The following ME2 variants were observed in gnomAD, a reference collection of about 807,000 sequenced individuals.
The protein encoded by ME2 is NAD-dependent malic enzyme, mitochondrial.
Under a neutral mutation model 73.7 loss-of-function variants are expected in ME2, and 60 were observed. The ratio of observed to expected loss-of-function variants is 0.81; its 90% CI spans 0.66 to 1.01. The LOEUF (loss-of-function observed/expected upper bound fraction) is 1.01. ME2 is among the 50% of genes least tolerant of loss of function. The pLI is 0.00. For missense variants in ME2, 594 were observed against 705.5 expected, an observed-to-expected ratio of 0.84 and a Z score of 1.79; for synonymous variants, 199 against 236.9, an observed-to-expected ratio of 0.84 and a Z score of 1.47.
chr18:50,912,690 T>A, intron 3 of ME2, 111 bp from the exon 4 acceptor site: 2 of 914,722 alleles, frequency 2.2e-6, no homozygotes, highest in Non-Finnish European at 3.0e-6. Flanking sequence ...GAATGTGATG[T>A]GAGAATGGGG....
intron 6 of ME2, among the ~76,000 whole-genome samples, chr18:50,917,827 T>G (rs1008773719): frequency 5.9e-5 from 9 of 151,888 alleles, no homozygotes; most frequent in Non-Finnish European, 1.3e-4. Context: ...CAAAAAAAAT[T>G]AGCTGGGCGT....
intron 12 of ME2, among the ~76,000 whole-genome samples, chr18:50,926,469 G>A (rs1436053275): frequency 6.6e-6 from 1 of 152,080 alleles, no homozygotes; most frequent in African/African-American, 2.4e-5. Context: ...TGACTATGGC[G>A]GACATATGCG....
At chr18:50,924,247 C>T in intron 11 of ME2, 35 bp downstream of exon 11, 1 of 1,382,508 alleles carries the variant, frequency 7.2e-7, no homozygotes, top group South Asian at 1.2e-5. Context: ...AATTTTACTC[C>T]CTAACTGTAT....
chr18:50,932,518 C>G (rs916406025), intron 13 of ME2, 158 bp downstream of exon 13: 1 of 453,444 alleles, frequency 2.2e-6, no homozygotes, highest in Non-Finnish European at 3.9e-6. Context: ...ATTCAGCATG[C>G]TCCACTTTCT....
intron 13 of ME2, chr18:50,934,536 T>C (rs911342675): frequency 6.6e-6 from 1 of 151,928 alleles, no homozygotes; most frequent in Admixed American, 6.6e-5. Context: ...TATTCCCAGC[T>C]AGTCAGGAGG....
At chr18:50,925,934 T>C (rs764399481) in intron 12 of ME2, 36 bp downstream of exon 12, 2 of 1,478,650 alleles carry the variant, frequency 1.4e-6, no homozygotes, top group Non-Finnish European at 1.9e-6. Context: ...TGTATATTAT[T>C]TTCCCTCCAC....
At chr18:50,887,070 T>C (rs1007002039) in intron 1 of ME2, among the ~76,000 whole-genome samples, 1 of 152,146 alleles carries the variant, frequency 6.6e-6, no homozygotes, top group African/African-American at 2.4e-5. Context: ...ATTCCTGTAG[T>C]GTTAAGTAAG....
chr18:50,912,038 T>A (rs2144223767), intron 3 of ME2, among the ~76,000 whole-genome samples: 1 of 152,238 alleles, frequency 6.6e-6, no homozygotes, highest in African/African-American at 2.4e-5. Context: ...CTGTAGGACT[T>A]GGTGATTTAT....
chr18:50,940,347 T>G lies in ME2; in HGVS notation c.1548T>G (p.Leu516=). 1 of 1,611,396 alleles carries G rather than the reference T, an allele frequency of 6.2e-7. No homozygotes were observed. The highest frequency in any genetic ancestry group is 1.7e-5 in the Admixed American group (1 of 59,222). ...ELAQGRLYPP[L]ANIQEVSINI... ...CCCAAGGGAGACTTTACCCACCGCT[T>G]GCTAATATTCAGGAAGTTTCTATTA... The change falls in exon 15 of 16, where the codon CTT becomes CTG. Residue 516 remains leucine, a synonymous_variant. Coordinates refer to ENST00000321341, the MANE Select transcript of ME2 (RefSeq NM_002396.5).
chr18:50,943,857 T>G (rs1734369778), intron 15 of ME2, among the ~76,000 whole-genome samples: 1 of 151,962 alleles, frequency 6.6e-6, no homozygotes, highest in South Asian at 2.1e-4. Context: ...GATGATAGAG[T>G]CCAACTTTAG....
chr18:50,894,722 A>G (rs1055190000), intron 1 of ME2, among the ~76,000 whole-genome samples: 17 of 151,504 alleles, frequency 1.1e-4, no homozygotes, highest in Non-Finnish European at 2.5e-4. Context: ...TAAAAATACA[A>G]AAAAATTAGC....
intron 1 of ME2, among the ~76,000 whole-genome samples, chr18:50,882,238 A>G (rs1916342263): frequency 6.6e-6 from 1 of 152,058 alleles, no homozygotes; most frequent in Non-Finnish European, 1.5e-5. Context: ...AGCTCAAGCA[A>G]CCCACCCACC....
rs1346408413 is a variant in ME2, at chr18:50,952,246, G to A, written c.*5062G>A. The A allele has an allele frequency of 6.6e-6, 1 of 152,080 alleles. No individual in the cohort carries two copies. Among genetic ancestry groups the A allele is most frequent in the Non-Finnish European group, 1.5e-5 (1 of 68,004 alleles). The allele number at this position is 152,080 out of a possible 1,614,324, so 9.4% of individuals were successfully genotyped here. ...ACTTTCTCATCTGAAATCAGGGTAA[G>A]TTTTTTTAATGTAAGCAGAGAAAAA... On this transcript the variant is annotated 3_prime_UTR_variant, in exon 16 of 16. Transcript: ENST00000321341.
chr18:50,891,428 C>T (rs1240706945), intron 1 of ME2, among the ~76,000 whole-genome samples: 1 of 152,156 alleles, frequency 6.6e-6, no homozygotes, highest in Non-Finnish European at 1.5e-5. Context: ...TCTGCTTGCT[C>T]TGTTCCTTTT....
chr18:50,900,979 G>A (rs1436817138), intron 2 of ME2, among the ~76,000 whole-genome samples: 2 of 150,956 alleles, frequency 1.3e-5, no homozygotes, highest in African/African-American at 4.8e-5. Context: ...CTAATACAAT[G>A]AGTATATTTT....
At position 50,951,958 on chromosome 18, in the gene ME2, T is replaced by C. The variant is rs1918237924; in HGVS notation, c.*4774T>C. On this transcript the variant is annotated 3_prime_UTR_variant, in exon 16 of 16. Coordinates refer to ENST00000321341, the MANE Select transcript of ME2 (RefSeq NM_002396.5). ...TGGGGTCAGCTCTGGTGAGCCTATG[T>C]AATACTCGAGAACATTAATATAAAC... The C allele has an allele frequency of 1.3e-5, 2 of 148,476 alleles. No homozygotes were observed. The highest frequency in any genetic ancestry group is 5.0e-5 in the African/African-American group (2 of 40,368). 9.2% of individuals were successfully genotyped at this position (148,476 alleles called of 1,614,324 possible). A position where few individuals can be genotyped will look rare whatever the true frequency, so the allele number is the denominator to read the frequency against.
intron 14 of ME2, chr18:50,940,010 A>G (rs2144267729): frequency 4.5e-6 from 2 of 446,732 alleles, no homozygotes; most frequent in East Asian, 4.1e-5. Flanking sequence ...TCACATTAAT[A>G]CAATTAATGT....
At position 50,924,061 on chromosome 18, in the gene ME2, T is replaced by C. The variant is rs369510653; in HGVS notation, c.1057-37T>C. The C allele has an allele frequency of 3.8e-6, 5 of 1,325,200 alleles. No individual in the cohort carries two copies. In the African/African-American group the frequency reaches 7.3e-5, roughly 19 times the overall value. 82.1% of individuals were successfully genotyped at this position (1,325,200 alleles called of 1,614,324 possible). A position where few individuals can be genotyped will look rare whatever the true frequency, so the allele number is the denominator to read the frequency against. The stretch of plus-strand genomic sequence containing the variant: ...TTTTTATTTCATCTTTAATATGCAT[T>C]GACTAAAAAAATACTGTATTTTATC... On this transcript the variant is annotated intron_variant, in intron 10 of 15. Coordinates refer to ENST00000321341, the MANE Select transcript of ME2 (RefSeq NM_002396.5).
intron 7 of ME2, among the ~76,000 whole-genome samples, chr18:50,918,671 C>T (rs1455705145): frequency 6.6e-6 from 1 of 151,824 alleles, no homozygotes; most frequent in African/African-American, 2.4e-5. Context: ...TAAACAGCTT[C>T]CTCCTAACTT....
Sources: gnomAD v4.1 joint callset for allele counts (sites outside exome capture counted in the v4.1 genomes callset) on GRCh38, gnomAD v4.1.1 for gene constraint, MANE v1.5 for transcripts, NCBI Gene and HGNC (gene_info 2026-07-23, HGNC 2026-07-21) for gene names.